Variants in ROCK2 observed in about 807,000 individuals in gnomAD.
ROCK2 encodes Rho associated coiled-coil containing protein kinase 2, also known as rho-associated protein kinase 2.
Under a neutral mutation model 195.1 loss-of-function variants are expected in ROCK2, and 61 were observed. The observed-to-expected ratio is 0.31, with a 90% CI of 0.25 to 0.39. ROCK2 has a LOEUF of 0.39. Ranked by LOEUF, ROCK2 falls within the 10% of genes least tolerant of loss-of-function variation. The probability of loss-of-function intolerance (pLI) is 1.00; values close to 1 mark genes in which losing one functional copy is unlikely to be tolerated. For synonymous variants in ROCK2, 504 were observed against 545.5 expected (o/e 0.92, Z 1.06); for missense variants, 1,109 against 1,637.4 (o/e 0.68, Z 5.57).
chr2:11,301,773 C>T (rs1293855940), intron 1 of ROCK2, among the ~76,000 whole-genome samples: 7 of 69,620 alleles, frequency 1.0e-4, no homozygotes, highest in Admixed American at 1.9e-4. Flanking sequence ...AGTGAAACGC[C>T]GCCTCAAAAA....
At chr2:11,307,921 T>C in intron 1 of ROCK2, 1 of 1,357,844 alleles carries the variant, frequency 7.4e-7, no homozygotes, top group Non-Finnish European at 9.6e-7. Flanking sequence ...GCCGTAGCGG[T>C]CCTCCTGGCC....
chr2:11,291,120 T>C (rs1667349466), intron 1 of ROCK2, among the ~76,000 whole-genome samples: 1 of 152,192 alleles, frequency 6.6e-6, no homozygotes, highest in Non-Finnish European at 1.5e-5. Flanking sequence ...ATAATTATTA[T>C]GAGGGAAAAA....
intron 3 of ROCK2, 103 bp downstream of exon 3, chr2:11,286,436 T>C: frequency 1.4e-6 from 1 of 721,474 alleles, no homozygotes; most frequent in Non-Finnish European, 2.4e-6. Flanking sequence ...AGCCACCTTC[T>C]GGCATGGGTG....
intron 23 of ROCK2, among the ~76,000 whole-genome samples, chr2:11,199,177 T>TA (rs1663756158): frequency 6.6e-6 from 1 of 152,074 alleles, no homozygotes; most frequent in Non-Finnish European, 1.5e-5. Context: ...TGGGATTACT[T>TA]ACAGGCATAA....
chr2:11,262,797 C>T (rs1317538697), intron 3 of ROCK2, among the ~76,000 whole-genome samples: 1 of 152,100 alleles, frequency 6.6e-6, no homozygotes, highest in Non-Finnish European at 1.5e-5. Context: ...TTGGAAAATC[C>T]TAAAATGGAC....
intron 3 of ROCK2, among the ~76,000 whole-genome samples, chr2:11,279,613 G>A (rs1666934164): frequency 6.6e-6 from 1 of 152,124 alleles, no homozygotes. Context: ...TATCAGAAAT[G>A]GACAGATCCA....
intron 5 of ROCK2, 149 bp from the exon 6 acceptor site, chr2:11,227,547 GAATA>G (rs750744027): frequency 6.8e-6 from 4 of 590,900 alleles, no homozygotes; most frequent in Non-Finnish European, 1.1e-5. Context: ...AGGATACAGA[GAATA>G]AATACACTGG....
chr2:11,184,487 T>C (rs954079081), intron 32 of ROCK2, among the ~76,000 whole-genome samples: 1 of 152,226 alleles, frequency 6.6e-6, no homozygotes. Flanking sequence ...AATCTGAACA[T>C]AGCATTTCAC....
chr2:11,345,010 C>T (rs1052700531), upstream of ROCK2, among the ~76,000 whole-genome samples: 3 of 151,090 alleles, frequency 2.0e-5, no homozygotes, highest in African/African-American at 7.3e-5. Flanking sequence ...GCACCGTGCG[C>T]TGGGGGGGAG....
At position 11,317,592 on chromosome 2, in the gene ROCK2, ATATATATATATATATATATAT is replaced by A. The variant is rs1245752409; in HGVS notation, c.141+26383_141+26403del. 1.4e-4 allele frequency among the ~76,000 whole-genome samples: 2 copies of A among 14,076 alleles called. 1 individual carries two copies. The highest frequency in any genetic ancestry group is 4.4e-4 in the African/African-American group (2 of 4,496). The allele number at this position is 14,076 out of a possible 152,430, so 9.2% of individuals were successfully genotyped here. On this transcript the variant is annotated intron_variant, in intron 1 of 32. Transcript: ENST00000315872. The stretch of plus-strand genomic sequence containing the variant: ...TCTACACATTTATATATATATATAT[ATATATATATATATATATATAT>A]TTTTTTTTTTTTTTAATTATACTTT...
intron 32 of ROCK2, among the ~76,000 whole-genome samples, chr2:11,185,321 A>G (rs1169046643): frequency 6.6e-6 from 1 of 152,260 alleles, no homozygotes; most frequent in East Asian, 1.9e-4. Flanking sequence ...CAGGTACATA[A>G]GTAGCATTAG....
At chr2:11,187,119 G>T (rs1663228438) in intron 32 of ROCK2, among the ~76,000 whole-genome samples, 1 of 152,202 alleles carries the variant, frequency 6.6e-6, no homozygotes, top group Admixed American at 6.5e-5. Context: ...AGTTTGGCAG[G>T]TGAAAAATGG....
In ROCK2 at chr2:11,285,000, C is replaced by G. The variant is rs796279343; in HGVS notation, c.324+1539G>C. On this transcript the variant is annotated intron_variant, in intron 3 of 32. Transcript: ENST00000315872. ...ATAGGAGGCTGGGTGCAGTGGCTCA[C>G]GCCTGTAATCCCAGCATTTTGGGAG... Among the ~76,000 whole-genome samples, 4 of 152,170 alleles carry G rather than the reference C, an allele frequency of 2.6e-5. No homozygotes were observed. In the South Asian group the frequency reaches 8.3e-4, roughly 32 times the overall value.
intron 1 of ROCK2, among the ~76,000 whole-genome samples, chr2:11,317,612 A>ATATATATATTT (rs59701503): frequency 1.0e-4 from 2 of 19,310 alleles, no homozygotes; most frequent in African/African-American, 1.6e-4. Context: ...ATATATATAT[A>ATATATATATTT]TTTTTTTTTT....
At chr2:11,296,441 TAAC>T (rs1667541754) in intron 1 of ROCK2, among the ~76,000 whole-genome samples, 1 of 152,216 alleles carries the variant, frequency 6.6e-6, no homozygotes, top group African/African-American at 2.4e-5. Context: ...TTTTCATTTA[TAAC>T]AAGAAGTTTG....
At position 11,286,497 on chromosome 2, in the gene ROCK2, C is replaced by T. The variant is rs79211712; in HGVS notation, c.324+42G>A. The T allele has an allele frequency of 7.2e-3, 8,969 of 1,252,124 alleles. 583 individuals carry two copies. In the Admixed American group the frequency reaches 0.13, roughly 18 times the overall value. 77.6% of individuals were successfully genotyped at this position (1,252,124 alleles called of 1,614,324 possible). A position where few individuals can be genotyped will look rare whatever the true frequency, so the allele number is the denominator to read the frequency against. ...TGCTATTGATAATGCTTCACAAAACCATGATGTCATAGAGAACAATAAGAA... is the reference window on the plus strand; with the variant it reads ...TGCTATTGATAATGCTTCACAAAACTATGATGTCATAGAGAACAATAAGAA... On this transcript the variant is annotated intron_variant, in intron 3 of 32. Coordinates refer to ENST00000315872, the MANE Select transcript of ROCK2 (RefSeq NM_004850.5).
chr2:11,218,263 T>A (rs1432242380), intron 11 of ROCK2, 192 bp downstream of exon 11: 6 of 403,342 alleles, frequency 1.5e-5, no homozygotes, highest in African/African-American at 1.0e-4. Context: ...AAAAACAAAA[T>A]TACATAATAT....
chr2:11,272,360 GATT>G (rs1255249440), intron 3 of ROCK2, among the ~76,000 whole-genome samples: 1 of 152,096 alleles, frequency 6.6e-6, no homozygotes, highest in Admixed American at 6.5e-5. Context: ...TGTAATAATG[GATT>G]ATAATTGCAC....
At chr2:11,243,990 ATACC>A (rs2148118628) in intron 4 of ROCK2, among the ~76,000 whole-genome samples, 1 of 152,304 alleles carries the variant, frequency 6.6e-6, no homozygotes, top group South Asian at 2.1e-4. Context: ...GTACGTGGCA[ATACC>A]TAGCTGTGTG....
Sources: allele counts gnomAD v4.1 joint callset (sites outside exome capture counted in the v4.1 genomes callset), GRCh38; gene constraint gnomAD v4.1.1; transcripts MANE v1.5; gene names NCBI Gene and HGNC (gene_info 2026-07-23, HGNC 2026-07-21).